Variants in CLNK observed in about 807,000 individuals in gnomAD.
CLNK encodes the protein cytokine-dependent hematopoietic cell linker.
Under a neutral mutation model 68.6 loss-of-function variants are expected in CLNK, and 74 were observed. That is an observed-to-expected ratio of 1.08 (90% CI 0.89 to 1.31). The LOEUF is 1.31. CLNK is among the 50% of genes most tolerant of loss of function. The pLI, the probability that CLNK is intolerant of heterozygous loss-of-function variation, is 0.00. For synonymous variants in CLNK, 198 were observed against 172.2 expected (o/e 1.15, Z -1.17); for missense variants, 553 against 515.3 (o/e 1.07, Z -0.71).
At chr4:10,706,194 C>A in the CLNK span, among the ~76,000 whole-genome samples, 1 of 152,214 alleles carries the variant, frequency 6.6e-6, no homozygotes, top group Admixed American at 6.5e-5. Context: ...GTCTCAGCAG[C>A]TCAGAGTCTC....
chr4:10,567,131 GAAAAAAAAA>G (rs61037076), intron 5 of CLNK, among the ~76,000 whole-genome samples: 4 of 110,550 alleles, frequency 3.6e-5, no homozygotes, highest in Admixed American at 1.9e-4. Flanking sequence ...ACAATCTTGG[GAAAAAAAAA>G]AAAAAAAAAA....
chr4:10,700,474 G>A, the CLNK span, among the ~76,000 whole-genome samples: 3,028 of 152,220 alleles, frequency 0.02, 34 homozygotes, highest in Non-Finnish European at 0.029. Context: ...TACATTCACA[G>A]GGGTTCACAG....
chr4:10,540,147 A>G (rs570273682), intron 11 of CLNK, among the ~76,000 whole-genome samples: 86 of 152,254 alleles, frequency 5.6e-4, no homozygotes, highest in African/African-American at 1.9e-3. Flanking sequence ...TGCTGTTCCC[A>G]TGTTACTGCA....
rs1720099883 is a variant in CLNK, at chr4:10,566,095, T to C, written c.206A>G (p.Tyr69Cys). ...TTCCATCCGAAGCTCAGGGTCATCA[T>C]AGTCATCATCACTGTGGCCTTTTGC... ...DGAKGHSDDD[Y>C]DDPELRMEET... Residue 69 changes from tyrosine (Y) to cysteine (C), a missense_variant, in exon 6 of 19, where the codon TAT becomes TGT. Transcript: ENST00000226951. The C allele has an allele frequency of 1.9e-6, 3 of 1,613,956 alleles. No individual in the cohort carries two copies. Among genetic ancestry groups the C allele is most frequent in the Non-Finnish European group, 2.5e-6 (3 of 1,179,858 alleles).
chr4:10,625,645 AAC>A (rs990160330), intron 2 of CLNK, among the ~76,000 whole-genome samples: 3 of 151,998 alleles, frequency 2.0e-5, no homozygotes, highest in Admixed American at 6.6e-5. Flanking sequence ...CAGAGATTAA[AAC>A]ACAGAGAAAG....
intron 8 of CLNK, 98 bp downstream of exon 8, chr4:10,558,309 A>G (rs929465522): frequency 6.2e-6 from 6 of 975,000 alleles, no homozygotes; most frequent in Non-Finnish European, 8.2e-6. Flanking sequence ...ACCTTGTGTA[A>G]GATCACCCAT....
At chr4:10,581,933 C>G (rs1025252453) in intron 4 of CLNK, among the ~76,000 whole-genome samples, 3 of 152,154 alleles carry the variant, frequency 2.0e-5, no homozygotes, top group African/African-American at 7.2e-5. Context: ...CCCAGAACTA[C>G]TTGAATTGGA....
the CLNK span, among the ~76,000 whole-genome samples, chr4:10,699,293 C>CACACACACCACATACGTGTAT: frequency 0.11 from 1,705 of 15,428 alleles, 360 homozygotes; most frequent in East Asian, 0.32. Context: ...TACGTGTATA[C>CACACACACCACATACGTGTAT]ACACACACAC....
chr4:10,620,777 C>A (rs1057492778), intron 2 of CLNK, among the ~76,000 whole-genome samples: 1 of 152,030 alleles, frequency 6.6e-6, no homozygotes, highest in African/African-American at 2.4e-5. Context: ...TGCCATTTTA[C>A]AGATGAAGAA....
chr4:10,525,509 G>A (rs1215806868), intron 14 of CLNK, among the ~76,000 whole-genome samples: 2 of 152,188 alleles, frequency 1.3e-5, no homozygotes, highest in East Asian at 1.9e-4. Context: ...TAAAGCTTTG[G>A]TGTGGTCATC....
the CLNK span, among the ~76,000 whole-genome samples, chr4:10,728,684 G>C: frequency 6.7e-6 from 1 of 149,984 alleles, no homozygotes; most frequent in East Asian, 2.0e-4. Context: ...CACCTCCCGG[G>C]TTCACACTGT....
intron 14 of CLNK, chr4:10,523,862 A>G: frequency 3.4e-6 from 1 of 296,606 alleles, no homozygotes; most frequent in Non-Finnish European, 6.8e-6. Flanking sequence ...CCTTCTCTAC[A>G]AAGAGTACAA....
At position 10,516,824 on chromosome 4, in the gene CLNK, T is replaced by C. The variant is rs182729275; in HGVS notation, c.773-3227A>G. On this transcript the variant is annotated intron_variant, in intron 15 of 18. Transcript: ENST00000226951. Reference sequence around the variant, plus strand: ...CCTCGGCCTCCCAAAGTGCTGGGATTATAGGCGTGAGCCACCACGCCTGGC... The same window carrying C: ...CCTCGGCCTCCCAAAGTGCTGGGATCATAGGCGTGAGCCACCACGCCTGGC... 4.0e-3 allele frequency among the ~76,000 whole-genome samples: 603 copies of C among 152,320 alleles called. 2 individuals carry two copies. The highest frequency in any genetic ancestry group is 6.4e-3 in the Admixed American group (98 of 15,302).
At chr4:10,702,292 T>A in the CLNK span, among the ~76,000 whole-genome samples, 1 of 151,464 alleles carries the variant, frequency 6.6e-6, no homozygotes, top group African/African-American at 2.4e-5. Flanking sequence ...GGAAGAACAC[T>A]CAGCTGGGAA....
intron 11 of CLNK, among the ~76,000 whole-genome samples, chr4:10,537,515 A>T (rs2108805849): frequency 6.6e-6 from 1 of 152,166 alleles, no homozygotes; most frequent in South Asian, 2.1e-4. Flanking sequence ...AGAAAAATAC[A>T]GAGTTATGGA....
chr4:10,588,365 A>T (rs1319517238), intron 3 of CLNK, among the ~76,000 whole-genome samples: 1 of 152,208 alleles, frequency 6.6e-6, no homozygotes, highest in East Asian at 1.9e-4. Flanking sequence ...TAGTGCTAAA[A>T]AGCATGTTGG....
chr4:10,604,415 T>C (rs957280742), intron 2 of CLNK, among the ~76,000 whole-genome samples: 3 of 152,210 alleles, frequency 2.0e-5, no homozygotes, highest in East Asian at 1.9e-4. Flanking sequence ...TGCATATTCA[T>C]GCACACGCTT....
intron 6 of CLNK, 79 bp from the exon 7 acceptor site, chr4:10,564,856 A>G (rs1373455991): frequency 3.5e-6 from 3 of 860,192 alleles, no homozygotes; most frequent in African/African-American, 3.3e-5. Flanking sequence ...TTGCACATCT[A>G]CAAACTCATT....
chr4:10,728,604 CTT>C, the CLNK span, among the ~76,000 whole-genome samples: 2 of 34,784 alleles, frequency 5.7e-5, no homozygotes, highest in Non-Finnish European at 1.3e-4. Context: ...TTCTTTCTTT[CTT>C]TTTTTTTTTT....
Sources: gnomAD v4.1 joint callset for allele counts (sites outside exome capture counted in the v4.1 genomes callset) on GRCh38, gnomAD v4.1.1 for gene constraint, MANE v1.5 for transcripts, NCBI Gene and HGNC (gene_info 2026-07-23, HGNC 2026-07-21) for gene names.